Variants in C12orf42 observed in about 807,000 individuals in gnomAD.
C12orf42 encodes chromosome 12 open reading frame 42, also known as uncharacterized protein C12orf42.
C12orf42 carries 25 observed loss-of-function variants against 21.6 expected under a neutral mutation model. The ratio of observed to expected loss-of-function variants is 1.16; its 90% CI spans 0.84 to 1.62. The LOEUF (loss-of-function observed/expected upper bound fraction) is 1.62. Ranked by LOEUF, C12orf42 falls within the 40% of genes most tolerant of loss-of-function variation. The pLI is 0.00. For synonymous variants in C12orf42, 174 were observed against 175.0 expected (o/e 0.99, Z 0.05); for missense variants, 483 against 459.3 (o/e 1.05, Z -0.47).
chr12:103,220,725 A>G, the C12orf42 span, among the ~76,000 whole-genome samples: 2 of 152,122 alleles, frequency 1.3e-5, no homozygotes, highest in Non-Finnish European at 2.9e-5. Context: ...TTTCTGAAGT[A>G]TCTTCCTCTC....
the C12orf42 span, among the ~76,000 whole-genome samples, chr12:103,129,262 T>A: frequency 6.6e-6 from 1 of 152,154 alleles, no homozygotes. Flanking sequence ...AAAGAGATTA[T>A]GAACTGATAT....
the C12orf42 span, among the ~76,000 whole-genome samples, chr12:103,541,859 A>C: frequency 6.6e-6 from 1 of 152,208 alleles, no homozygotes; most frequent in Non-Finnish European, 1.5e-5. Flanking sequence ...AAACAAAATT[A>C]AAAGTGATGA....
chr12:103,559,505 A>C, the C12orf42 span: 6 of 151,998 alleles, frequency 3.9e-5, no homozygotes, highest in Admixed American at 3.9e-4. Flanking sequence ...GTTCTAGCAA[A>C]TCATTAAGCC....
intron 2 of C12orf42, among the ~76,000 whole-genome samples, chr12:103,413,265 G>T (rs1270152156): frequency 6.6e-6 from 1 of 152,116 alleles, no homozygotes; most frequent in Non-Finnish European, 1.5e-5. Context: ...GGCTGTAGGT[G>T]TGTGGCTTCA....
At chr12:103,206,350 G>A in the C12orf42 span, among the ~76,000 whole-genome samples, 1 of 152,162 alleles carries the variant, frequency 6.6e-6, no homozygotes, top group Non-Finnish European at 1.5e-5. Flanking sequence ...CTGTTTGCAG[G>A]AAGCTCTAAG....
the C12orf42 span, among the ~76,000 whole-genome samples, chr12:103,065,566 T>A: frequency 6.6e-6 from 1 of 152,170 alleles, no homozygotes; most frequent in Admixed American, 6.6e-5. Flanking sequence ...ATACTGATGG[T>A]ATTATGCTGG....
intron 3 of C12orf42, among the ~76,000 whole-genome samples, chr12:103,383,169 A>G: frequency 6.7e-6 from 1 of 150,310 alleles, no homozygotes; most frequent in Non-Finnish European, 1.5e-5. Context: ...TCTGTTGCCC[A>G]GGCTGGAGTG....
chr12:103,286,091 A>G (rs1473001088), intron 4 of C12orf42, among the ~76,000 whole-genome samples: 2 of 151,984 alleles, frequency 1.3e-5, no homozygotes, highest in Non-Finnish European at 2.9e-5. Context: ...TAAAAATACA[A>G]AAACAAAAAA....
intron 2 of C12orf42, among the ~76,000 whole-genome samples, chr12:103,455,334 T>C (rs1952215241): frequency 6.6e-6 from 1 of 152,202 alleles, no homozygotes; most frequent in African/African-American, 2.4e-5. Context: ...ATGGCTCTTG[T>C]ATTCCAGTTC....
chr12:103,436,627 A>G (rs1438030016), intron 2 of C12orf42, among the ~76,000 whole-genome samples: 2 of 151,180 alleles, frequency 1.3e-5, no homozygotes, highest in Non-Finnish European at 3.0e-5. Flanking sequence ...ACAGACTTTA[A>G]ACCAACAAAG....
chr12:103,177,084 C>T, the C12orf42 span, among the ~76,000 whole-genome samples: 1 of 151,760 alleles, frequency 6.6e-6, no homozygotes, highest in African/African-American at 2.4e-5. Context: ...GTTAGGATAG[C>T]ACTTGCCTGA....
chr12:103,251,498 C>T (rs2034302555), intron 10 of C12orf42, among the ~76,000 whole-genome samples: 1 of 152,108 alleles, frequency 6.6e-6, no homozygotes, highest in Non-Finnish European at 1.5e-5. Context: ...AATTGCAGTC[C>T]TTGTGCTGAG....
Position 103,332,109 on chromosome 12 carries a change from G to T in C12orf42, c.260-25764C>A, listed in dbSNP as rs138627993. Among the ~76,000 whole-genome samples, 8 of 152,280 alleles carry T rather than the reference G, an allele frequency of 5.3e-5. No individual in the cohort carries two copies. The East Asian group carries it at 1.5e-3, about 29-fold the overall frequency. On this transcript the variant is annotated intron_variant, in intron 4 of 5. Transcript: ENST00000548883. ...TATAAAGAAAAGAGGTGTAGAAAGA[G>T]AATGAAAAGGCAAAATGAAACCATG...
intron 3 of C12orf42, among the ~76,000 whole-genome samples, chr12:103,399,355 G>A (rs150788943): frequency 5.9e-4 from 89 of 151,592 alleles, no homozygotes; most frequent in African/African-American, 1.9e-3. Flanking sequence ...GTCTATTTTT[G>A]TTGTTGTTGT....
intron 4 of C12orf42, among the ~76,000 whole-genome samples, chr12:103,362,970 G>C (rs1227186866): frequency 2.0e-5 from 3 of 152,126 alleles, no homozygotes; most frequent in African/African-American, 7.2e-5. Flanking sequence ...TAGAGACCTA[G>C]ACATCCAAAT....
At chr12:103,561,362 T>C in the C12orf42 span, among the ~76,000 whole-genome samples, 4 of 152,126 alleles carry the variant, frequency 2.6e-5, no homozygotes, top group Non-Finnish European at 5.9e-5. Flanking sequence ...TAACAAACAT[T>C]CCTTTCTCAC....
chr12:103,327,195 A>T (rs534724766), intron 4 of C12orf42, among the ~76,000 whole-genome samples: 1 of 152,260 alleles, frequency 6.6e-6, no homozygotes, highest in South Asian at 2.1e-4. Flanking sequence ...CTGTGCCTCG[A>T]GTTTCTCCCT....
At chr12:103,079,745 A>C in the C12orf42 span, among the ~76,000 whole-genome samples, 2 of 152,228 alleles carry the variant, frequency 1.3e-5, no homozygotes, top group Non-Finnish European at 2.9e-5. Context: ...GGCTGACAGA[A>C]GCATCCTTTC....
At chr12:103,242,093 A>G (rs370249703) in intron 10 of C12orf42, among the ~76,000 whole-genome samples, 2 of 152,234 alleles carry the variant, frequency 1.3e-5, no homozygotes, top group Middle Eastern at 3.4e-3. Context: ...CTTCCTTTTC[A>G]TTCATTGGCT....
Sources: gnomAD v4.1 joint callset for allele counts (sites outside exome capture counted in the v4.1 genomes callset) on GRCh38, gnomAD v4.1.1 for gene constraint, MANE v1.5 for transcripts, NCBI Gene and HGNC (gene_info 2026-07-23, HGNC 2026-07-21) for gene names.